Variants in NETO2 observed in about 807,000 individuals in gnomAD.
NETO2 encodes the protein neuropilin and tolloid like 2.
A neutral mutation model predicts 62.5 loss-of-function variants in NETO2; 28 were observed. The observed-to-expected ratio is 0.45, with a 90% CI of 0.33 to 0.61. The LOEUF is 0.61. NETO2 is among the 20% of genes least tolerant of loss of function. The pLI is 0.02. For synonymous variants in NETO2, 214 were observed against 219.1 expected (o/e 0.98, Z 0.21); for missense variants, 548 against 643.2 (o/e 0.85, Z 1.60).
chr16:47,120,275 T>A (rs1163428752), intron 6 of NETO2, among the ~76,000 whole-genome samples: 1 of 152,218 alleles, frequency 6.6e-6, no homozygotes. Flanking sequence ...TTCCTGTAAT[T>A]ATCCCATAAA....
chr16:47,112,869 ATT>A lies in NETO2; in HGVS notation c.655-3160_655-3159del, dbSNP rs573229748. Among the ~76,000 whole-genome samples, 1,149 of 152,358 alleles carry A rather than the reference ATT, an allele frequency of 7.5e-3. 23 individuals carry two copies. The highest frequency in any genetic ancestry group is 0.027 in the African/African-American group (1,105 of 41,578). ...CAATGAAGAATGAGATCTAATAAAT[ATT>A]GTTTAATTTCACTTAAAGCACACTT... On this transcript the variant is annotated intron_variant, in intron 6 of 8. Coordinates refer to ENST00000562435, the MANE Select transcript of NETO2 (RefSeq NM_018092.5).
At chr16:47,127,740 G>A (rs1964186139) in intron 4 of NETO2, among the ~76,000 whole-genome samples, 1 of 152,204 alleles carries the variant, frequency 6.6e-6, no homozygotes, top group South Asian at 2.1e-4. Context: ...AATTAGTTAT[G>A]GCAGCATCAA....
chr16:47,136,230 T>C (rs995646140), intron 1 of NETO2, among the ~76,000 whole-genome samples: 1 of 152,052 alleles, frequency 6.6e-6, no homozygotes, highest in Non-Finnish European at 1.5e-5. Context: ...AGCAATGACA[T>C]AGGAAGAAAC....
intron 1 of NETO2, among the ~76,000 whole-genome samples, chr16:47,133,349 G>A (rs1964304753): frequency 6.6e-6 from 1 of 151,524 alleles, no homozygotes. Context: ...GCTGAGGCGA[G>A]AGGATTGCTT....
At chr16:47,104,203 G>C (rs1963619979) in intron 7 of NETO2, among the ~76,000 whole-genome samples, 1 of 151,812 alleles carries the variant, frequency 6.6e-6, no homozygotes, top group Non-Finnish European at 1.5e-5. Context: ...TGCAAAACCC[G>C]CATACACAAA....
chr16:47,113,581 T>C (rs1171504321), intron 6 of NETO2, among the ~76,000 whole-genome samples: 2 of 151,104 alleles, frequency 1.3e-5, no homozygotes, highest in Non-Finnish European at 3.0e-5. Context: ...TACCACAGTT[T>C]ATTCTTTTTT....
intron 7 of NETO2, among the ~76,000 whole-genome samples, chr16:47,088,304 C>T (rs1455966041): frequency 6.6e-6 from 1 of 152,092 alleles, no homozygotes; most frequent in Non-Finnish European, 1.5e-5. Context: ...TGGGGTTTAA[C>T]CATGTTGGCC....
chr16:47,083,868 G>C, intron 8 of NETO2, 67 bp from the exon 9 acceptor site: 1 of 1,240,320 alleles, frequency 8.1e-7, no homozygotes, highest in Non-Finnish European at 1.1e-6. Flanking sequence ...GTACAAATTA[G>C]TAAGGTATTT....
At chr16:47,126,062 T>C (rs1400820942) in intron 4 of NETO2, among the ~76,000 whole-genome samples, 3 of 152,208 alleles carry the variant, frequency 2.0e-5, no homozygotes, top group Non-Finnish European at 2.9e-5. Flanking sequence ...TTAAATACCT[T>C]ATATAAATGG....
intron 7 of NETO2, among the ~76,000 whole-genome samples, chr16:47,092,025 G>GTT (rs34629427): frequency 4.5e-4 from 61 of 134,262 alleles, no homozygotes; most frequent in Admixed American, 6.7e-4. Flanking sequence ...AACTGTTTTG[G>GTT]TTTTTTTTTT....
At chr16:47,105,019 CT>C (rs759872893) in intron 7 of NETO2, among the ~76,000 whole-genome samples, 79 of 136,058 alleles carry the variant, frequency 5.8e-4, no homozygotes, top group South Asian at 3.1e-3. Flanking sequence ...TGTGCCTGGC[CT>C]TTTTTTTTTT....
At position 47,132,015 on chromosome 16, in the gene NETO2, T is replaced by C; in HGVS notation, c.45A>G (p.Ile15Met). Residue 15 changes from isoleucine (I) to methionine (M), a missense_variant, in exon 2 of 9, where the codon ATA (isoleucine) becomes ATG (methionine). Coordinates refer to ENST00000562435, the MANE Select transcript of NETO2 (RefSeq NM_018092.5). ...CAATCCCTTCCACTACCAGTACTGT[T>C]ATTAACAACACTAGAGAAATAACAG... ...RLCSVLKVLL[I>M]TVLVVEGIAV... 1 of 1,611,922 alleles carries C rather than the reference T, an allele frequency of 6.2e-7. No homozygotes were observed. The highest frequency in any genetic ancestry group is 8.5e-7 in the Non-Finnish European group (1 of 1,178,382).
rs370539243 is a variant in NETO2, at chr16:47,122,768, G to A, written c.543C>T (p.Leu181=). ...AGCGCACTATTCCATCAGCTCCCGAGAGCTCGAACTGACAATCTGGAAGGA... is the reference window on the plus strand; with the variant it reads ...AGCGCACTATTCCATCAGCTCCCGAAAGCTCGAACTGACAATCTGGAAGGA... The part of the protein sequence containing the change: ...LNPIPDCQFE[L]SGADGIVRSS... The change falls in exon 6 of 9, where the codon CTC becomes CTT. Residue 181 remains leucine (L), a synonymous_variant. Coordinates refer to ENST00000562435, the MANE Select transcript of NETO2 (RefSeq NM_018092.5). 2 of 1,614,016 alleles carry A rather than the reference G, an allele frequency of 1.2e-6. No homozygotes were observed. The highest frequency in any genetic ancestry group is 3.3e-5 in the Admixed American group (2 of 60,002).
At position 47,116,329 on chromosome 16, in the gene NETO2, G is replaced by T. The variant is rs1963921963; in HGVS notation, c.654+6328C>A. 3.3e-5 allele frequency among the ~76,000 whole-genome samples: 5 copies of T among 152,036 alleles called. No individual in the cohort carries two copies. In the South Asian group the frequency reaches 1.0e-3, roughly 32 times the overall value. ...AGATACCCTTCTTCAGGTTATGGAA[G>T]TCTCATCTGTTCCTATGTTTCTGAG... On this transcript the variant is annotated intron_variant, in intron 6 of 8. Coordinates refer to ENST00000562435, the MANE Select transcript of NETO2 (RefSeq NM_018092.5).
intron 6 of NETO2, among the ~76,000 whole-genome samples, chr16:47,120,632 C>T (rs894666311): frequency 1.3e-5 from 2 of 152,162 alleles, no homozygotes; most frequent in African/African-American, 4.8e-5. Context: ...TTAATCATCC[C>T]CACATCCTGG....
chr16:47,122,564 C>T (rs1020179117), intron 6 of NETO2, 93 bp downstream of exon 6: 3 of 1,405,252 alleles, frequency 2.1e-6, no homozygotes, highest in South Asian at 1.4e-5. Context: ...TTTATGTAGT[C>T]AATAAATATT....
Position 47,083,111 on chromosome 16 carries a change from G to C in NETO2, c.*110C>G. 1.1e-6 allele frequency: 1 copy of C among 927,884 alleles called. No individual in the cohort carries two copies. Among genetic ancestry groups the C allele is most frequent in the Non-Finnish European group, 1.6e-6 (1 of 606,786 alleles). 57.5% of individuals were successfully genotyped at this position (927,884 alleles called of 1,614,324 possible). On this transcript the variant is annotated 3_prime_UTR_variant, in exon 9 of 9. Coordinates refer to ENST00000562435, the MANE Select transcript of NETO2 (RefSeq NM_018092.5). ...ATACAATAGGTTAACGGTAAATCAAGGTCTTCGTAGTTGTGATGGGAGAAA... is the reference window on the plus strand; with the variant it reads ...ATACAATAGGTTAACGGTAAATCAACGTCTTCGTAGTTGTGATGGGAGAAA...
rs1567376224 is a variant in NETO2 at position 47,082,120 on chromosome 16, T to C, written c.*1101A>G. On this transcript the variant is annotated 3_prime_UTR_variant, in exon 9 of 9. Transcript: ENST00000562435. ...TTTATAAATTATTGTTTTTATACCA[T>C]AAAAAAAGTCAAAAGTGCAGTTTAA... 6.6e-6 allele frequency: 1 copy of C among 152,496 alleles called. No homozygotes were observed. Among genetic ancestry groups the C allele is most frequent in the Non-Finnish European group, 1.5e-5 (1 of 67,996 alleles). The allele number at this position is 152,496 out of a possible 1,614,324, so 9.4% of individuals were successfully genotyped here.
At chr16:47,115,543 CTT>C (rs1051813019) in intron 6 of NETO2, among the ~76,000 whole-genome samples, 11 of 144,326 alleles carry the variant, frequency 7.6e-5, no homozygotes, top group African/African-American at 2.6e-4. Context: ...TTTTTTTTTT[CTT>C]GAGACAGGGT....
Sources: allele counts gnomAD v4.1 joint callset (sites outside exome capture counted in the v4.1 genomes callset), GRCh38; gene constraint gnomAD v4.1.1; transcripts MANE v1.5; gene names NCBI Gene and HGNC (gene_info 2026-07-23, HGNC 2026-07-21).